Variants in TGFB2 observed in about 807,000 individuals in gnomAD.
TGFB2 encodes transforming growth factor beta-2 proprotein.
Under a neutral mutation model 42.7 loss-of-function variants are expected in TGFB2, and 13 were observed. The observed-to-expected ratio is 0.30, with a 90% CI of 0.20 to 0.48. TGFB2 has a LOEUF of 0.48. TGFB2 is among the 20% of genes least tolerant of loss of function. TGFB2 has a pLI of 0.99. For missense variants in TGFB2, 390 were observed against 517.5 expected (o/e 0.75, Z 2.39); for synonymous variants, 193 against 193.6 (o/e 1.00, Z 0.03).
intron 1 of TGFB2, among the ~76,000 whole-genome samples, chr1:218,357,278 G>T (rs996957628): frequency 4.6e-5 from 7 of 151,966 alleles, no homozygotes; most frequent in Non-Finnish European, 1.5e-5. Context: ...GGGAGGGGCT[G>T]GTCGAGAGTA....
At chr1:218,394,027 C>T (rs1357437344) in intron 1 of TGFB2, among the ~76,000 whole-genome samples, 6 of 152,222 alleles carry the variant, frequency 3.9e-5, no homozygotes, top group African/African-American at 1.4e-4. Flanking sequence ...CTGCCTCAGC[C>T]TCCCGAGTAG....
In TGFB2 at chr1:218,346,697, A is replaced by G; in HGVS notation, c.-5A>G. On this transcript the variant is annotated 5_prime_UTR_variant, in exon 1 of 7. Transcript: ENST00000366930. The surrounding 1 kb of genome is among the most constrained non-coding windows in gnomAD (Gnocchi z 4.9). ...AAACAACTTTTTTTTCCACTTTTTT[A>G]AAAAATGCACTACTGTGTGCTGAGC... The G allele has an allele frequency of 6.4e-7, 1 of 1,568,962 alleles. No individual in the cohort carries two copies. The highest frequency in any genetic ancestry group is 8.6e-7 in the Non-Finnish European group (1 of 1,164,810).
chr1:218,428,502 T>C (rs1659698502), intron 2 of TGFB2, among the ~76,000 whole-genome samples: 1 of 152,234 alleles, frequency 6.6e-6, no homozygotes, highest in South Asian at 2.1e-4. Flanking sequence ...CATCTTGAAT[T>C]AATTTTTGTA....
At chr1:218,405,363 T>G in intron 2 of TGFB2, 31 bp downstream of exon 2, 1 of 1,611,968 alleles carries the variant, frequency 6.2e-7, no homozygotes, top group Non-Finnish European at 8.5e-7. Flanking sequence ...TTGTTGTTGT[T>G]GTTGTTGTTG....
chr1:218,442,007 T>C lies in TGFB2; in HGVS notation c.*645T>C, dbSNP rs1229477147. 2 of 152,176 alleles carry C rather than the reference T, an allele frequency of 1.3e-5. No individual in the cohort carries two copies. Among genetic ancestry groups the C allele is most frequent in the Admixed American group, 6.5e-5 (1 of 15,272 alleles). 9.4% of individuals were successfully genotyped at this position (152,176 alleles called of 1,614,324 possible). ...ATGGGATGAAAACCCAAGTGAGTTA[T>C]TATATGACCGAGAAAGTCTGCATTA... On this transcript the variant is annotated 3_prime_UTR_variant, in exon 7 of 7. Transcript: ENST00000366930.
At chr1:218,410,817 A>C (rs922206767) in intron 2 of TGFB2, among the ~76,000 whole-genome samples, 2 of 152,192 alleles carry the variant, frequency 1.3e-5, no homozygotes, top group Non-Finnish European at 1.5e-5. Flanking sequence ...TCTTTGATTA[A>C]GTTTCCCCTG....
chr1:218,424,786 G>C (rs1406700365), intron 2 of TGFB2, among the ~76,000 whole-genome samples: 5 of 152,236 alleles, frequency 3.3e-5, no homozygotes, highest in Middle Eastern at 3.2e-3. Context: ...TCAATGATGT[G>C]TTGTGGCTGC....
intron 1 of TGFB2, among the ~76,000 whole-genome samples, chr1:218,358,948 T>A (rs1453412358): frequency 2.6e-5 from 4 of 152,182 alleles, no homozygotes; most frequent in Admixed American, 1.3e-4. Context: ...GATGGAGGAC[T>A]TTTCTGTGCA....
At chr1:218,356,908 G>A (rs1011065025) in intron 1 of TGFB2, among the ~76,000 whole-genome samples, 2 of 152,138 alleles carry the variant, frequency 1.3e-5, no homozygotes, top group African/African-American at 4.8e-5. Context: ...ATGACATTAC[G>A]GTGTAGAAAT....
At chr1:218,414,648 G>T (rs535005073) in intron 2 of TGFB2, among the ~76,000 whole-genome samples, 1 of 152,166 alleles carries the variant, frequency 6.6e-6, no homozygotes, top group Admixed American at 6.5e-5. Context: ...ACATTAGTCA[G>T]CAGACAAGAC....
At chr1:218,367,855 A>T (rs189145044) in intron 1 of TGFB2, among the ~76,000 whole-genome samples, 2 of 152,200 alleles carry the variant, frequency 1.3e-5, no homozygotes, top group Non-Finnish European at 2.9e-5. Context: ...CCAGGCTAGA[A>T]GGCAGTGGTC....
At chr1:218,417,425 A>C (rs1358894851) in intron 2 of TGFB2, among the ~76,000 whole-genome samples, 1 of 152,232 alleles carries the variant, frequency 6.6e-6, no homozygotes, top group Non-Finnish European at 1.5e-5. Flanking sequence ...TCTAAGCAGC[A>C]AAGCATTCAA....
Position 218,427,963 on chromosome 1 carries a change from G to A in TGFB2, c.511-6119G>A, listed in dbSNP as rs200655105. ...ACAGTCCCACCAACAGTGTAAAAGT[G>A]TTCCTATTTCTCCACATCCTCTCCA... On this transcript the variant is annotated intron_variant, in intron 2 of 6. Transcript: ENST00000366930. Among the ~76,000 whole-genome samples, 4,635 of 152,214 alleles carry A rather than the reference G, an allele frequency of 0.03. 486 individuals carry two copies. In the East Asian group the frequency reaches 0.38, roughly 12 times the overall value.
chr1:218,412,849 G>C, intron 2 of TGFB2, among the ~76,000 whole-genome samples: 1 of 152,190 alleles, frequency 6.6e-6, no homozygotes, highest in East Asian at 1.9e-4. Flanking sequence ...TAGCTTCAGA[G>C]CACTGAATAA....
rs184861082 is a variant in TGFB2, at chr1:218,352,754, A to G, written c.346+5707A>G. Reference sequence around the variant, plus strand: ...ACTGCCCCTTGGCCTCTTCCCTACCATCTCTAAATTGCCTTCTTTTCCTTC... The same window carrying G: ...ACTGCCCCTTGGCCTCTTCCCTACCGTCTCTAAATTGCCTTCTTTTCCTTC... On this transcript the variant is annotated intron_variant, in intron 1 of 6. Coordinates refer to ENST00000366930, the MANE Select transcript of TGFB2 (RefSeq NM_003238.6). Among the ~76,000 whole-genome samples, 18 of 152,148 alleles carry G rather than the reference A, an allele frequency of 1.2e-4. No individual in the cohort carries two copies. The East Asian group carries it at 3.5e-3, about 29-fold the overall frequency.
chr1:218,351,111 A>G (rs1656854522), intron 1 of TGFB2, among the ~76,000 whole-genome samples: 1 of 152,208 alleles, frequency 6.6e-6, no homozygotes, highest in African/African-American at 2.4e-5. Context: ...TACCAATGAC[A>G]CTATGGTTTT....
chr1:218,394,754 T>C (rs1223640923), intron 1 of TGFB2, among the ~76,000 whole-genome samples: 1 of 152,134 alleles, frequency 6.6e-6, no homozygotes, highest in Non-Finnish European at 1.5e-5. Context: ...TCATTTTATG[T>C]TAAATTGCTG....
chr1:218,430,440 A>C (rs1659770959), intron 2 of TGFB2, among the ~76,000 whole-genome samples: 1 of 152,098 alleles, frequency 6.6e-6, no homozygotes, highest in Non-Finnish European at 1.5e-5. Context: ...ATGACTCATG[A>C]ATCTAGAAAA....
intron 1 of TGFB2, among the ~76,000 whole-genome samples, chr1:218,374,030 T>A (rs973856180): frequency 6.6e-6 from 1 of 152,234 alleles, no homozygotes; most frequent in Non-Finnish European, 1.5e-5. Flanking sequence ...TGTGAATCTA[T>A]ATGGAGGATG....
Sources: gnomAD v4.1 joint callset for allele counts (sites outside exome capture counted in the v4.1 genomes callset) on GRCh38, gnomAD v4.1.1 for gene constraint, Gnocchi (gnomAD v3.1) non-coding constraint, MANE v1.5 for transcripts, NCBI Gene and HGNC (gene_info 2026-07-23, HGNC 2026-07-21) for gene names.